Variants in SLC25A30 observed in about 807,000 individuals in gnomAD.
SLC25A30 encodes the protein kidney mitochondrial carrier protein 1.
A neutral mutation model predicts 42.7 loss-of-function variants in SLC25A30; 29 were observed. The ratio of observed to expected loss-of-function variants is 0.68; its 90% CI spans 0.51 to 0.93. The LOEUF is 0.93. SLC25A30 is among the 40% of genes least tolerant of loss of function. The pLI is 0.00. For missense variants in SLC25A30, 300 were observed against 359.7 expected (o/e 0.83, Z 1.34); for synonymous variants, 124 against 131.0 (o/e 0.95, Z 0.37).
chr13:45,409,957 T>C (rs1216777783), intron 2 of SLC25A30, among the ~76,000 whole-genome samples: 2 of 152,192 alleles, frequency 1.3e-5, no homozygotes, highest in Non-Finnish European at 2.9e-5. Context: ...ACAGAGAGCC[T>C]AAGCTGGTGA....
intron 3 of SLC25A30, among the ~76,000 whole-genome samples, chr13:45,407,749 C>G (rs945011472): frequency 3.9e-5 from 6 of 152,102 alleles, no homozygotes; most frequent in Admixed American, 2.6e-4. Context: ...CTTGTGTTTC[C>G]TAAACCAGGA....
intron 6 of SLC25A30, 48 bp from the exon 7 acceptor site, chr13:45,401,255 G>C (rs1456625410): frequency 6.3e-7 from 1 of 1,590,844 alleles, no homozygotes; most frequent in Admixed American, 1.7e-5. Flanking sequence ...TGCCTCTGTA[G>C]AACAAGCCTT....
upstream of SLC25A30, among the ~76,000 whole-genome samples, chr13:45,419,149 A>AG (rs1555288862): frequency 7.0e-3 from 1,001 of 143,198 alleles, 7 homozygotes; most frequent in African/African-American, 0.015. Flanking sequence ...AAAAAAAAAA[A>AG]AAGAAAGAAA....
At position 45,395,031 on chromosome 13, in the gene SLC25A30, A is replaced by G. The variant is rs573947284; in HGVS notation, c.*943T>C. 1.0e-6 allele frequency: 1 copy of G among 985,460 alleles called. No individual in the cohort carries two copies. The highest frequency in any genetic ancestry group is 1.7e-5 in the African/African-American group (1 of 57,368). 61.0% of individuals were successfully genotyped at this position (985,460 alleles called of 1,614,324 possible). A position where few individuals can be genotyped will look rare whatever the true frequency, so the allele number is the denominator to read the frequency against. On this transcript the variant is annotated 3_prime_UTR_variant, in exon 10 of 10. Transcript: ENST00000519676. ...CATTCACAATTACCATGAGAAGCCCATGAGAACATGCCCCTCTTCTACATA... is the reference window on the plus strand; with the variant it reads ...CATTCACAATTACCATGAGAAGCCCGTGAGAACATGCCCCTCTTCTACATA...
intron 1 of SLC25A30, among the ~76,000 whole-genome samples, chr13:45,416,445 A>T (rs1883541230): frequency 6.6e-6 from 1 of 151,948 alleles, no homozygotes; most frequent in Admixed American, 6.6e-5. Flanking sequence ...ATACAAAAAA[A>T]AGTGAAAAAT....
At chr13:45,425,420 GTA>G in the SLC25A30 span, among the ~76,000 whole-genome samples, 1 of 108,202 alleles carries the variant, frequency 9.2e-6, no homozygotes, top group African/African-American at 3.7e-5. Context: ...AAATATATAA[GTA>G]TATATAAATA....
chr13:45,405,987 C>T lies in SLC25A30; in HGVS notation c.213-10G>A. On this transcript the variant is annotated splice_polypyrimidine_tract_variant and intron_variant, in intron 3 of 9. Coordinates refer to ENST00000519676, the MANE Select transcript of SLC25A30 (RefSeq NM_001010875.4). ...CATCGCGGGGGCAATCCTGTTAAAC[C>T]AATGTACAAAGGGACAAAAGCAATC... The T allele has an allele frequency of 6.2e-7, 1 of 1,613,736 alleles. No individual in the cohort carries two copies. The highest frequency in any genetic ancestry group is 8.5e-7 in the Non-Finnish European group (1 of 1,179,648).
intron 8 of SLC25A30, 49 bp downstream of exon 8, chr13:45,398,890 CA>C (rs199773936): frequency 1.6e-5 from 26 of 1,578,440 alleles, no homozygotes; most frequent in Admixed American, 5.8e-5. Flanking sequence ...CTTCTTAGAT[CA>C]AAAAAATATA....
the SLC25A30 span, among the ~76,000 whole-genome samples, chr13:45,429,367 C>G: frequency 2.0e-4 from 31 of 152,004 alleles, no homozygotes; most frequent in Non-Finnish European, 4.4e-5. Context: ...CCACACCCGA[C>G]AGGTGCAAGC....
chr13:45,418,566 C>T (rs1041100938), upstream of SLC25A30: 5 of 103,640 alleles, frequency 4.8e-5, no homozygotes, highest in Admixed American at 4.3e-4. Flanking sequence ...GGATCTTCCC[C>T]TGCCGCTGCC....
intron 1 of SLC25A30, among the ~76,000 whole-genome samples, chr13:45,416,249 A>T (rs1029727936): frequency 6.6e-6 from 1 of 151,816 alleles, no homozygotes; most frequent in African/African-American, 2.4e-5. Flanking sequence ...CTCTATTAAA[A>T]ATACAAAAAT....
At chr13:45,432,285 A>T in the SLC25A30 span, among the ~76,000 whole-genome samples, 9 of 151,514 alleles carry the variant, frequency 5.9e-5, no homozygotes, top group Non-Finnish European at 1.3e-4. Flanking sequence ...AAAAAAAAAA[A>T]CAGTGTTACT....
the SLC25A30 span, among the ~76,000 whole-genome samples, chr13:45,424,044 T>C: frequency 2.3e-5 from 2 of 87,552 alleles, no homozygotes; most frequent in Non-Finnish European, 4.2e-5. Flanking sequence ...TATATAAATA[T>C]ATATAAATCT....
At chr13:45,420,146 A>G (rs574327546), upstream of SLC25A30, 8 of 152,330 alleles carry the variant, frequency 5.3e-5, no homozygotes, top group East Asian at 1.2e-3. Flanking sequence ...TGTTATTTCC[A>G]TTTTACAGAT....
chr13:45,411,261 G>T, intron 2 of SLC25A30, 101 bp downstream of exon 2: 1 of 969,036 alleles, frequency 1.0e-6, no homozygotes, highest in Non-Finnish European at 1.7e-6. Flanking sequence ...TGAATTCTGA[G>T]ACAAACATTT....
chr13:45,425,186 A>AAATATATT, the SLC25A30 span, among the ~76,000 whole-genome samples: 31 of 99,040 alleles, frequency 3.1e-4, no homozygotes, highest in African/African-American at 1.1e-3. Flanking sequence ...AAATATATAT[A>AAATATATT]CATATATAAA....
In SLC25A30 at chr13:45,404,352, A is replaced by G; in HGVS notation, c.368T>C (p.Ile123Thr). Reference sequence around the variant, plus strand: ...TTTCAAAACATCAGTTGGATTAGCAATGGTTGAAGATATGACTCCAGACAG... The same window carrying G: ...TTTCAAAACATCAGTTGGATTAGCAGTGGTTGAAGATATGACTCCAGACAG... The part of the protein sequence containing the change: ...GILSGVISST[I>T]ANPTDVLKIR... The change falls in exon 5 of 10, where the codon ATT becomes ACT. Residue 123 changes from isoleucine to threonine, a missense_variant. Coordinates refer to ENST00000519676, the MANE Select transcript of SLC25A30 (RefSeq NM_001010875.4). 2 of 1,613,388 alleles carry G rather than the reference A, an allele frequency of 1.2e-6. No individual in the cohort carries two copies. Among genetic ancestry groups the G allele is most frequent in the Non-Finnish European group, 8.5e-7 (1 of 1,179,414 alleles).
the SLC25A30 span, among the ~76,000 whole-genome samples, chr13:45,423,696 A>T: frequency 1.8e-3 from 3 of 1,660 alleles, no homozygotes; most frequent in African/African-American, 4.9e-3. Context: ...ATATATATAA[A>T]TATATAAATA....
At chr13:45,416,408 CAAATAAAT>C (rs1255729059) in intron 1 of SLC25A30, among the ~76,000 whole-genome samples, 1 of 151,232 alleles carries the variant, frequency 6.6e-6, no homozygotes, top group African/African-American at 2.4e-5. Flanking sequence ...AACTCCATCT[CAAATAAAT>C]AAATAAATAT....
Sources: allele counts gnomAD v4.1 joint callset (sites outside exome capture counted in the v4.1 genomes callset), GRCh38; gene constraint gnomAD v4.1.1; transcripts MANE v1.5; gene names NCBI Gene and HGNC (gene_info 2026-07-23, HGNC 2026-07-21).